NRXN3: variants seen among roughly 807,000 people sequenced by gnomAD.
The protein encoded by NRXN3 is neurexin III.
In NRXN3, 32 loss-of-function variants were observed where a neutral mutation model predicts 137.6. The observed-to-expected ratio is 0.23, with a 90% CI of 0.18 to 0.31. The LOEUF (loss-of-function observed/expected upper bound fraction) is 0.31, where lower values mean the gene tolerates loss of function less well. NRXN3 is among the 10% of genes least tolerant of loss of function. NRXN3 has a pLI of 1.00. For missense variants in NRXN3, 1,574 were observed against 2,062.5 expected, an observed-to-expected ratio of 0.76 and a Z score of 4.59; for synonymous variants, 798 against 784.5, an observed-to-expected ratio of 1.02 and a Z score of -0.29.
At chr14:79,797,772 CTA>C (rs1040760626) in intron 19 of NRXN3, among the ~76,000 whole-genome samples, 2 of 151,960 alleles carry the variant, frequency 1.3e-5, no homozygotes, top group African/African-American at 4.8e-5. Flanking sequence ...TGCCCAAGCT[CTA>C]TGTTTTTTCT....
intron 8 of NRXN3, among the ~76,000 whole-genome samples, chr14:78,789,042 T>C (rs1187466268): frequency 6.6e-6 from 1 of 152,192 alleles, no homozygotes; most frequent in East Asian, 1.9e-4. Flanking sequence ...ACCACTGTCA[T>C]TTATAATGGT....
chr14:78,466,557 G>A (rs944206951), intron 4 of NRXN3, among the ~76,000 whole-genome samples: 2 of 152,046 alleles, frequency 1.3e-5, no homozygotes, highest in South Asian at 2.1e-4. Context: ...TTAATGGCTT[G>A]TGGAGAACCT....
At chr14:79,087,841 C>A (rs903756530) in intron 15 of NRXN3, among the ~76,000 whole-genome samples, 11 of 152,196 alleles carry the variant, frequency 7.2e-5, no homozygotes, top group Admixed American at 2.0e-4. Context: ...TGTTTGAGAA[C>A]TTACCTGGAA....
At chr14:78,755,614 TC>T (rs2152961122) in intron 8 of NRXN3, among the ~76,000 whole-genome samples, 1 of 152,310 alleles carries the variant, frequency 6.6e-6, no homozygotes, top group South Asian at 2.1e-4. Flanking sequence ...ACAAGTTTCT[TC>T]TTTGGAGAAA....
chr14:79,455,258 G>C (rs1341017272), intron 15 of NRXN3, among the ~76,000 whole-genome samples: 2 of 152,128 alleles, frequency 1.3e-5, no homozygotes, highest in African/African-American at 2.4e-5. Flanking sequence ...ACCTTACATG[G>C]TGATGTCTGT....
At position 79,597,990 on chromosome 14, in the gene NRXN3, C is replaced by T. The variant is rs185836438; in HGVS notation, c.3445-65788C>T. Among the ~76,000 whole-genome samples the T allele has an allele frequency of 5.9e-5, 9 of 152,288 alleles. No homozygotes were observed. In the East Asian group the frequency reaches 1.7e-3, roughly 29 times the overall value. On this transcript the variant is annotated intron_variant, in intron 16 of 20. Coordinates refer to ENST00000335750, the MANE Select transcript of NRXN3 (RefSeq NM_001330195.2). The stretch of plus-strand genomic sequence containing the variant: ...GCCCGTTGGAAGGTTCTTTATCCAA[C>T]ACTTCTCTACCCATTCCAACCCCAG...
intron 4 of NRXN3, among the ~76,000 whole-genome samples, chr14:78,465,474 G>T (rs1470332651): frequency 2.6e-5 from 4 of 152,200 alleles, no homozygotes; most frequent in Non-Finnish European, 5.9e-5. Flanking sequence ...TTAAAAAGAT[G>T]ATATGGGAAA....
intron 10 of NRXN3, among the ~76,000 whole-genome samples, chr14:78,881,128 T>C (rs1203362644): frequency 2.0e-5 from 3 of 151,682 alleles, no homozygotes; most frequent in African/African-American, 7.3e-5. Flanking sequence ...ACCATGATTG[T>C]AAGTTTCCTG....
chr14:78,171,614 ACAT>A lies in NRXN3; in HGVS notation c.-704+945_-704+947del, dbSNP rs557330855. On this transcript the variant is annotated intron_variant, in intron 1 of 20. Coordinates refer to ENST00000335750, the MANE Select transcript of NRXN3 (RefSeq NM_001330195.2). Reference sequence around the variant, plus strand: ...ACCACAAAACTTAACTGCTTTAGAAACATCATCCTGATGACAAGGAAAAAAATG... The same window carrying A: ...ACCACAAAACTTAACTGCTTTAGAAACATCCTGATGACAAGGAAAAAAATG... Among the ~76,000 whole-genome samples, 6 of 152,108 alleles carry A rather than the reference ACAT, an allele frequency of 3.9e-5. No individual in the cohort carries two copies. The South Asian group carries it at 1.0e-3, about 26-fold the overall frequency.
At chr14:79,336,789 CTT>C (rs1429181976) in intron 15 of NRXN3, among the ~76,000 whole-genome samples, 1 of 152,202 alleles carries the variant, frequency 6.6e-6, no homozygotes, top group Non-Finnish European at 1.5e-5. Context: ...CAGTTGGCAT[CTT>C]TGTGGTTTCC....
At chr14:79,378,192 A>G (rs1357077716) in intron 15 of NRXN3, among the ~76,000 whole-genome samples, 1 of 152,168 alleles carries the variant, frequency 6.6e-6, no homozygotes, top group Non-Finnish European at 1.5e-5. Flanking sequence ...ACATGCAAAG[A>G]TCTTTTTTCT....
chr14:79,809,060 T>A (rs2099221932), intron 20 of NRXN3, among the ~76,000 whole-genome samples: 1 of 152,098 alleles, frequency 6.6e-6, no homozygotes, highest in African/African-American at 2.4e-5. Flanking sequence ...TTTAAAGAAA[T>A]CCCAAATCAT....
chr14:79,442,703 C>A (rs947852335), intron 15 of NRXN3, among the ~76,000 whole-genome samples: 96 of 152,224 alleles, frequency 6.3e-4, no homozygotes, highest in African/African-American at 2.2e-3. Context: ...AAGAAAAAAA[C>A]ACTATTGTTG....
At chr14:78,795,285 T>G (rs1390294784) in intron 8 of NRXN3, among the ~76,000 whole-genome samples, 1 of 152,190 alleles carries the variant, frequency 6.6e-6, no homozygotes, top group Admixed American at 6.5e-5. Flanking sequence ...AATACTATGA[T>G]TTTCTTTCTC....
chr14:79,078,903 A>G (rs1440116178), intron 15 of NRXN3, among the ~76,000 whole-genome samples: 2 of 152,124 alleles, frequency 1.3e-5, no homozygotes, highest in African/African-American at 4.8e-5. Flanking sequence ...ACATGCTATT[A>G]GCCCATGATT....
chr14:78,876,276 A>ACTCTAT (rs1056108074), intron 10 of NRXN3, among the ~76,000 whole-genome samples: 1 of 152,142 alleles, frequency 6.6e-6, no homozygotes. Context: ...AAAAATGGAA[A>ACTCTAT]CTCTGTGCCA....
intron 15 of NRXN3, among the ~76,000 whole-genome samples, chr14:79,057,846 G>A (rs114233051): frequency 0.011 from 1,718 of 152,078 alleles, 29 homozygotes; most frequent in African/African-American, 0.036. Flanking sequence ...GAGATGTGGT[G>A]CCATTCCAAG....
intron 16 of NRXN3, among the ~76,000 whole-genome samples, chr14:79,539,616 T>C (rs769591209): frequency 1.7e-4 from 26 of 152,308 alleles, no homozygotes; most frequent in Non-Finnish European, 2.8e-4. Flanking sequence ...CATTCTGACA[T>C]AGCTCACCTC....
At chr14:78,235,026 G>GTATATATATATATATA (rs377371263) in intron 1 of NRXN3, among the ~76,000 whole-genome samples, 77 of 87,302 alleles carry the variant, frequency 8.8e-4, no homozygotes, top group South Asian at 4.2e-3. Flanking sequence ...ATATATATGT[G>GTATATATATATATATA]TATATATATA....
Sources: gnomAD v4.1 joint callset for allele counts (sites outside exome capture counted in the v4.1 genomes callset) on GRCh38, gnomAD v4.1.1 for gene constraint, MANE v1.5 for transcripts, NCBI Gene and HGNC (gene_info 2026-07-23, HGNC 2026-07-21) for gene names.